Variants in AOX1 observed in about 807,000 individuals in gnomAD.
AOX1 encodes aldehyde oxidase.
Under a neutral mutation model 169.5 loss-of-function variants are expected in AOX1, and 153 were observed. That is an observed-to-expected ratio of 0.90 (90% confidence interval 0.79 to 1.03). The LOEUF is 1.03. AOX1 is among the 50% of genes least tolerant of loss of function. The pLI is 0.00. For missense variants in AOX1, 1,656 were observed against 1,663.9 expected (o/e 1.00, Z 0.08); for synonymous variants, 562 against 581.9 (o/e 0.97, Z 0.49).
At chr2:200,591,354 G>A (rs2034167984) in intron 1 of AOX1, among the ~76,000 whole-genome samples, 1 of 152,196 alleles carries the variant, frequency 6.6e-6, no homozygotes, top group Non-Finnish European at 1.5e-5. Flanking sequence ...ATGCAAAAGG[G>A]TATTTTAGGT....
In AOX1 at chr2:200,627,445, T is replaced by C. The variant is rs914549803; in HGVS notation, c.2217T>C (p.Leu739=). Residue 739 remains leucine (L), a synonymous_variant, in exon 20 of 35, where the codon CTT becomes CTC. Transcript: ENST00000374700. The part of the protein sequence containing the change: ...DEAFKVVDQI[L]EGEIHMGGQE... ...CATTTAAAGTGGTTGATCAAATTCT[T>C]GAAGGTAAAAAGTAATGGAAGAGTA... The C allele has an allele frequency of 6.2e-7, 1 of 1,609,750 alleles. No homozygotes were observed. Among genetic ancestry groups the C allele is most frequent in the African/African-American group, 1.3e-5 (1 of 74,780 alleles).
Position 200,613,815 on chromosome 2 carries a change from A to G in AOX1, c.1460A>G (p.Glu487Gly). ...TTTGGACTTTCCAGGCACTGGAACG[A>G]ACAGATGCTGGATATAGCCTGCAGG... ...CQKLIGRHWN[E>G]QMLDIACRLI... The change falls in exon 15 of 35, where the codon GAA becomes GGA. Residue 487 changes from glutamate to glycine, a missense_variant. Glu to Gly is a moderately conservative substitution (Grantham distance 98). Transcript: ENST00000374700. The G allele has an allele frequency of 6.2e-7, 1 of 1,612,286 alleles. No individual in the cohort carries two copies.
At position 200,602,317 on chromosome 2, in the gene AOX1, T is replaced by C; in HGVS notation, c.470T>C (p.Ile157Thr). ...TGCCGTTGCACTGGATACAGGCCCA[T>C]AATTGATGCATGCAAGACTTTCTGT... ...NLCRCTGYRP[I>T]IDACKTFCKT... The change falls in exon 6 of 35, where the codon ATA becomes ACA. Residue 157 changes from isoleucine to threonine, a missense_variant. Physicochemically the swap from Ile to Thr is moderately conservative, Grantham distance 89 (BLOSUM62 -1). Coordinates refer to ENST00000374700, the MANE Select transcript of AOX1 (RefSeq NM_001159.4). 1 of 1,613,968 alleles carries C rather than the reference T, an allele frequency of 6.2e-7. No homozygotes were observed. The highest frequency in any genetic ancestry group is 1.1e-5 in the South Asian group (1 of 91,048).
chr2:200,650,921 G>T, intron 25 of AOX1, 53 bp from the exon 26 acceptor site: 2 of 1,528,802 alleles, frequency 1.3e-6, no homozygotes, highest in Non-Finnish European at 1.8e-6. Context: ...GAATGGATGA[G>T]CCTATGTCTG....
intron 25 of AOX1, among the ~76,000 whole-genome samples, chr2:200,650,013 C>A (rs1398136816): frequency 6.6e-6 from 1 of 152,196 alleles, no homozygotes; most frequent in Non-Finnish European, 1.5e-5. Context: ...TCTGCTCATG[C>A]CCCAGCAGTC....
chr2:200,640,605 G>A (rs949081130), intron 23 of AOX1, among the ~76,000 whole-genome samples: 7 of 152,200 alleles, frequency 4.6e-5, no homozygotes, highest in Admixed American at 3.3e-4. Flanking sequence ...AGGAGGAACC[G>A]ATCTGGAAGA....
downstream of AOX1, among the ~76,000 whole-genome samples, chr2:200,681,927 T>G (rs1434868311): frequency 6.9e-6 from 1 of 144,852 alleles, no homozygotes; most frequent in Non-Finnish European, 1.5e-5. Context: ...CCTTTTGGGG[T>G]TTTTTTTTTT....
At chr2:200,602,873 C>A (rs1314036693) in intron 6 of AOX1, among the ~76,000 whole-genome samples, 1 of 151,910 alleles carries the variant, frequency 6.6e-6, no homozygotes, top group African/African-American at 2.4e-5. Flanking sequence ...TATAAGATTG[C>A]CCTCTGGAAG....
chr2:200,636,632 C>T (rs1437146171), intron 21 of AOX1, among the ~76,000 whole-genome samples: 1 of 152,110 alleles, frequency 6.6e-6, no homozygotes, highest in Non-Finnish European at 1.5e-5. Flanking sequence ...GAAAACACTA[C>T]TAATTAGTTT....
At chr2:200,596,101 T>C (rs1475985930) in intron 3 of AOX1, among the ~76,000 whole-genome samples, 1 of 152,254 alleles carries the variant, frequency 6.6e-6, no homozygotes, top group Non-Finnish European at 1.5e-5. Flanking sequence ...GGGAATCCAA[T>C]TATGCTAATG....
Position 200,634,789 on chromosome 2 carries a change from A to T in AOX1, c.2222-2A>T. 1 of 1,613,816 alleles carries T rather than the reference A, an allele frequency of 6.2e-7. No homozygotes were observed. The highest frequency in any genetic ancestry group is 8.5e-7 in the Non-Finnish European group (1 of 1,179,870). On this transcript the variant is annotated splice_acceptor_variant, in intron 20 of 34. Coordinates refer to ENST00000374700, the MANE Select transcript of AOX1 (RefSeq NM_001159.4). LOFTEE classifies it high-confidence loss of function. ...TGACTTTTATGTATTTTCCTGTAAC[A>T]GGTGAAATACATATGGGAGGTCAAG...
chr2:200,623,769 G>A (rs1423748249), intron 18 of AOX1, 92 bp from the exon 19 acceptor site: 1 of 1,573,644 alleles, frequency 6.4e-7, no homozygotes, highest in Non-Finnish European at 8.7e-7. Context: ...TAGCCCTACT[G>A]TAATCGAGTA....
chr2:200,681,178 A>G (rs184591966), downstream of AOX1, among the ~76,000 whole-genome samples: 3 of 152,278 alleles, frequency 2.0e-5, no homozygotes, highest in Admixed American at 2.0e-4. Context: ...CAACTGCCTC[A>G]ATGGAGTTTT....
intron 20 of AOX1, among the ~76,000 whole-genome samples, chr2:200,633,887 G>A (rs376065147): frequency 2.0e-5 from 3 of 152,156 alleles, no homozygotes; most frequent in African/African-American, 7.2e-5. Context: ...GGAGAAGAAG[G>A]GGGTGATGCC....
intron 14 of AOX1, among the ~76,000 whole-genome samples, chr2:200,613,556 G>A (rs2034689381): frequency 6.6e-6 from 1 of 152,178 alleles, no homozygotes; most frequent in Non-Finnish European, 1.5e-5. Context: ...TTTTATATGA[G>A]TTGTCATTTA....
At chr2:200,629,459 C>G (rs1294922802) in intron 20 of AOX1, among the ~76,000 whole-genome samples, 1 of 152,152 alleles carries the variant, frequency 6.6e-6, no homozygotes, top group African/African-American at 2.4e-5. Flanking sequence ...GGCAGGTGTT[C>G]ATTTATCAAA....
chr2:200,664,322 C>A (rs558854559), intron 31 of AOX1, among the ~76,000 whole-genome samples: 3 of 152,196 alleles, frequency 2.0e-5, no homozygotes, highest in African/African-American at 7.2e-5. Flanking sequence ...CATGGCTTCA[C>A]CATGTTGCCC....
At chr2:200,667,501 T>C (rs1024650982) in intron 32 of AOX1, among the ~76,000 whole-genome samples, 1 of 121,006 alleles carries the variant, frequency 8.3e-6, no homozygotes, top group Admixed American at 1.2e-4. Context: ...ATGGGAAGAA[T>C]CTGTGGTGTG....
At chr2:200,608,734 A>AC (rs71022326) in intron 10 of AOX1, among the ~76,000 whole-genome samples, 113,581 of 151,792 alleles carry the variant, frequency 0.75, 42,627 homozygotes, top group East Asian at 0.81. Flanking sequence ...CTCTATCATT[A>AC]CCCCACCTTC....
Sources: allele counts gnomAD v4.1 joint callset (sites outside exome capture counted in the v4.1 genomes callset), GRCh38; gene constraint gnomAD v4.1.1; transcripts MANE v1.5; gene names NCBI Gene and HGNC (gene_info 2026-07-23, HGNC 2026-07-21).